Variants in HGS observed in about 807,000 individuals in gnomAD.
The protein encoded by HGS is hepatocyte growth factor-regulated tyrosine kinase substrate, also known as human growth factor-regulated tyrosine kinase substrate.
In HGS, 63 loss-of-function variants were observed where a neutral mutation model predicts 109.7. The observed-to-expected ratio is 0.57, with a 90% confidence interval of 0.47 to 0.71. The LOEUF is 0.71. Ranked by LOEUF, HGS falls within the 30% of genes least tolerant of loss-of-function variation. HGS has a pLI of 0.00. For synonymous variants in HGS, 546 were observed against 437.3 expected (o/e 1.25, Z -3.10); for missense variants, 995 against 1,068.3 (o/e 0.93, Z 0.96).
At position 81,696,668 on chromosome 17, in the gene HGS, G is replaced by A. The variant is rs1337714073; in HGVS notation, c.1628G>A (p.Arg543Gln). 7 of 1,611,956 alleles carry A rather than the reference G, an allele frequency of 4.3e-6. No homozygotes were observed. The highest frequency in any genetic ancestry group is 5.1e-6 in the Non-Finnish European group (6 of 1,179,688). ...IQRLQEQEKE[R>Q]QMRLEQQKQT... ...CGCCTGCAGGAGCAGGAGAAGGAGC[G>A]GCAGATGCGGCTGGAGCAGCAGAAG... Residue 543 changes from arginine (R) to glutamine (Q), a missense_variant, in exon 17 of 22, where the codon CGG becomes CAG. Coordinates refer to ENST00000329138, the MANE Select transcript of HGS (RefSeq NM_004712.5).
rs756201232 is a variant in HGS at position 81,696,902 on chromosome 17, G to T, written c.1786G>T (p.Ala596Ser). The T allele has an allele frequency of 6.2e-7, 1 of 1,609,278 alleles. No individual in the cohort carries two copies. Among genetic ancestry groups the T allele is most frequent in the Non-Finnish European group, 8.5e-7 (1 of 1,179,788 alleles). The change falls in exon 18 of 22, where the codon GCC becomes TCC. Residue 596 changes from alanine (A) to serine (S), a missense_variant. Around this residue, in one of 6 missense-constraint regions of HGS, gnomAD observed 326 missense variants for 309.7 expected, o/e 1.05. Coordinates refer to ENST00000329138, the MANE Select transcript of HGS (RefSeq NM_004712.5). ...CAGCTTCCCCAGCACCTTCAGCCCT[G>T]CCGGCTCGGTGGAGGGCTCCCCAAT... ...PASFPSTFSP[A>S]GSVEGSPMHG...
rs1203276596 is a variant in HGS, at chr17:81,695,028, G to A, written c.1080G>A (p.Gln360=). Residue 360 remains glutamine (Q), a synonymous_variant, in exon 13 of 22, where the codon CAG becomes CAA. Coordinates refer to ENST00000329138, the MANE Select transcript of HGS (RefSeq NM_004712.5). ...TGCCCCTGACGGAGCCGGCTGCACA[G>A]CCTGGGGAAGGGCACGCAGCCCCCA... is the stretch of plus-strand genomic sequence containing the variant. ...APVPLTEPAA[Q]PGEGHAAPTN... is the part of the protein sequence containing the mutation. The A allele has an allele frequency of 2.5e-6, 4 of 1,613,844 alleles. No individual in the cohort carries two copies. Among genetic ancestry groups the A allele is most frequent in the Middle Eastern group, 1.6e-4 (1 of 6,084 alleles).
In HGS at chr17:81,684,054, G is replaced by A. The variant is rs746428589; in HGVS notation, c.-13G>A. ...GGAGCGCCCGCGGCGTCGGGTTTGG[G>A]CTGGAGGTCGCCATGGGGCGAGGCA... On this transcript the variant is annotated 5_prime_UTR_variant, in exon 1 of 22. Coordinates refer to ENST00000329138, the MANE Select transcript of HGS (RefSeq NM_004712.5). 3 of 1,593,070 alleles carry A rather than the reference G, an allele frequency of 1.9e-6. No homozygotes were observed. The highest frequency in any genetic ancestry group is 2.3e-5 in the South Asian group (2 of 88,666).
At chr17:81,700,183 G>A (rs940835360) in intron 18 of HGS, among the ~76,000 whole-genome samples, 4 of 151,674 alleles carry the variant, frequency 2.6e-5, no homozygotes, top group African/African-American at 9.7e-5. Flanking sequence ...TGGCCAACAT[G>A]ATGAAACCCC....
In HGS at chr17:81,685,698, G is replaced by A. The variant is rs776254032; in HGVS notation, c.122+9G>A. ...CGCCAAGGGGACACACAGTGAGTTA[G>A]CGGGGCCTGTGCCCTGATGCGGAGG... On this transcript the variant is annotated intron_variant, in intron 2 of 21. Coordinates refer to ENST00000329138, the MANE Select transcript of HGS (RefSeq NM_004712.5). 9 of 1,608,606 alleles carry A rather than the reference G, an allele frequency of 5.6e-6. No individual in the cohort carries two copies. The highest frequency in any genetic ancestry group is 6.8e-6 in the Non-Finnish European group (8 of 1,177,150).
intron 6 of HGS, 111 bp from the exon 7 acceptor site, chr17:81,690,563 C>G (rs535946720): frequency 2.8e-6 from 3 of 1,071,326 alleles, no homozygotes; most frequent in Non-Finnish European, 2.7e-6. Context: ...TGCTCTCGCT[C>G]GTGCTGGGGT....
Position 81,701,938 on chromosome 17 carries a change from C to T in HGS, c.*320C>T, listed in dbSNP as rs2037244464. 6 of 241,234 alleles carry T rather than the reference C, an allele frequency of 2.5e-5. No homozygotes were observed. Among genetic ancestry groups the T allele is most frequent in the South Asian group, 9.7e-5 (1 of 10,292 alleles). The allele number at this position is 241,234 out of a possible 1,614,324, so 14.9% of individuals were successfully genotyped here. ...CCCTCACCCCCCAAGCAGCCTGTGC[C>T]CTCTGGCCGCACTGTGAGCTGGCTG... is the stretch of plus-strand genomic sequence containing the variant. On this transcript the variant is annotated 3_prime_UTR_variant, in exon 22 of 22. Coordinates refer to ENST00000329138, the MANE Select transcript of HGS (RefSeq NM_004712.5).
chr17:81,685,520 T>G lies in HGS; in HGVS notation c.38-85T>G, dbSNP rs759915379. On this transcript the variant is annotated intron_variant, in intron 1 of 21. Coordinates refer to ENST00000329138, the MANE Select transcript of HGS (RefSeq NM_004712.5). Reference sequence around the variant, plus strand: ...AAATGTCTAAAGGGGAAGGAGAGAGTCCCCCCCAGCTGCTGCCAAGCTGGG... The same window carrying G: ...AAATGTCTAAAGGGGAAGGAGAGAGGCCCCCCCAGCTGCTGCCAAGCTGGG... The G allele has an allele frequency of 2.6e-4, 208 of 800,394 alleles. 1 individual carries two copies. Among genetic ancestry groups the G allele is most frequent in the Non-Finnish European group, 3.8e-4 (185 of 483,634 alleles). The allele number at this position is 800,394 out of a possible 1,614,324, so 49.6% of individuals were successfully genotyped here. A position where few individuals can be genotyped will look rare whatever the true frequency, so the allele number is the denominator to read the frequency against.
chr17:81,697,070 C>G, intron 18 of HGS, 72 bp downstream of exon 18: 3 of 1,450,398 alleles, frequency 2.1e-6, no homozygotes, highest in Middle Eastern at 1.8e-4. Context: ...TACAGAAAAG[C>G]AGTAAGAATG....
At chr17:81,693,446 G>C (rs2037094821) in intron 8 of HGS, 57 bp from the exon 9 acceptor site, 1 of 1,328,728 alleles carries the variant, frequency 7.5e-7, no homozygotes, top group South Asian at 1.2e-5. Flanking sequence ...TGAGAGCTTT[G>C]GCGGGGGCAG....
rs749457767 is a variant in HGS, at chr17:81,688,772, G to T, written c.360G>T (p.Arg120=). ...YLIQAWAHAF[R]NEPKYKVVQD... is the part of the protein sequence containing the mutation. ...TCCAGGCCTGGGCGCATGCCTTCCG[G>T]AACGAGCCCAAGTACAAGGTGGTCC... Residue 120 remains arginine (R), a synonymous_variant, in exon 5 of 22, where the codon CGG becomes CGT. Transcript: ENST00000329138. 9 of 1,614,044 alleles carry T rather than the reference G, an allele frequency of 5.6e-6. No individual in the cohort carries two copies. Among genetic ancestry groups the T allele is most frequent in the Non-Finnish European group, 7.6e-6 (9 of 1,180,020 alleles).
Position 81,693,713 on chromosome 17 carries a change from G to A in HGS, c.801G>A (p.Leu267=). The change falls in exon 10 of 22, where the codon CTG becomes CTA. Residue 267 remains leucine, a synonymous_variant. Transcript: ENST00000329138. ...LQEEEELQLA[L]ALSQSEAEEK... is the part of the protein sequence containing the mutation. ...AGGAGGAGGAGCTGCAGCTGGCCCT[G>A]GCGCTGTCACAGTCAGAGGCGGAGG... 6.4e-7 allele frequency: 1 copy of A among 1,558,728 alleles called. No homozygotes were observed. Among genetic ancestry groups the A allele is most frequent in the Non-Finnish European group, 8.7e-7 (1 of 1,151,594 alleles).
chr17:81,696,775 G>C (rs1360577995), intron 17 of HGS, 28 bp downstream of exon 17: 2 of 1,602,066 alleles, frequency 1.2e-6, no homozygotes, highest in African/African-American at 2.7e-5. Context: ...GCCACCCAGA[G>C]GCTTGTGGGC....
At position 81,688,801 on chromosome 17, in the gene HGS, A is replaced by T; in HGVS notation, c.389A>T (p.Asp130Val). ...GAGCCCAAGTACAAGGTGGTCCAGG[A>T]CACCTACCAGATCATGAAGGTGGAG... The part of the protein sequence containing the change: ...RNEPKYKVVQ[D>V]TYQIMKVEGH... Residue 130 changes from aspartate (D) to valine (V), a missense_variant, in exon 5 of 22, where the codon GAC becomes GTC. Asp to Val is a radical substitution (Grantham distance 152). Transcript: ENST00000329138. The T allele has an allele frequency of 1.2e-6, 2 of 1,614,134 alleles. No individual in the cohort carries two copies. Among genetic ancestry groups the T allele is most frequent in the Non-Finnish European group, 1.7e-6 (2 of 1,179,990 alleles).
At chr17:81,690,955 C>T (rs1598745868) in intron 7 of HGS, 2 of 539,432 alleles carry the variant, frequency 3.7e-6, no homozygotes, top group Non-Finnish European at 6.5e-6. Context: ...CCCAGCCTCA[C>T]TCTGGAATTA....
intron 18 of HGS, 101 bp downstream of exon 18, chr17:81,697,099 G>A (rs967042549): frequency 1.1e-5 from 14 of 1,278,656 alleles, no homozygotes; most frequent in Non-Finnish European, 1.5e-5. Context: ...GGTTTTCCCA[G>A]TTGCCCCGAT....
intron 3 of HGS, 50 bp from the exon 4 acceptor site, chr17:81,686,953 G>A: frequency 6.7e-7 from 1 of 1,485,714 alleles, no homozygotes; most frequent in Non-Finnish European, 9.3e-7. Context: ...GAGGAGGAGG[G>A]GCCCTGCCCT....
Position 81,688,941 on chromosome 17 carries a change from G to C in HGS, c.415+114G>C, listed in dbSNP as rs1307649479. 1.7e-5 allele frequency: 24 copies of C among 1,411,056 alleles called. No individual in the cohort carries two copies. In the Middle Eastern group the frequency reaches 5.6e-4, roughly 33 times the overall value. The allele number at this position is 1,411,056 out of a possible 1,614,324, so 87.4% of individuals were successfully genotyped here. On this transcript the variant is annotated intron_variant, in intron 5 of 21. Transcript: ENST00000329138. ...AGATGGGTTGTTCCCTGTGTTGGGA[G>C]GGAGGAGGGCGGTGGCCTGGAGCCA...
intron 6 of HGS, 51 bp from the exon 7 acceptor site, chr17:81,690,623 T>C (rs771855271): frequency 4.5e-5 from 70 of 1,564,648 alleles, no homozygotes; most frequent in Non-Finnish European, 5.7e-5. Context: ...TCTGTGCCTC[T>C]GGGGCTGGTG....
Sources: gnomAD v4.1 joint callset for allele counts (sites outside exome capture counted in the v4.1 genomes callset) on GRCh38, gnomAD v4.1.1 for gene constraint, gnomAD v4.1.1 regional missense constraint, MANE v1.5 for transcripts, NCBI Gene and HGNC (gene_info 2026-07-23, HGNC 2026-07-21) for gene names.